The following DGCR2 variants were observed in gnomAD, a reference collection of about 807,000 sequenced individuals.
DGCR2 encodes the protein DiGeorge syndrome critical region gene 2, also known as integral membrane protein DGCR2/IDD.
In DGCR2, 24 loss-of-function variants were observed where a neutral mutation model predicts 51.6. The observed-to-expected ratio is 0.47, with a 90% confidence interval of 0.34 to 0.65. The LOEUF (loss-of-function observed/expected upper bound fraction) is 0.65, where lower values mean the gene tolerates loss of function less well. Ranked by LOEUF, DGCR2 falls within the 30% of genes least tolerant of loss-of-function variation. DGCR2 has a pLI of 0.01. For missense variants in DGCR2, 765 were observed against 772.1 expected, an observed-to-expected ratio of 0.99 and a Z score of 0.11; for synonymous variants, 340 against 315.4, an observed-to-expected ratio of 1.08 and a Z score of -0.82.
intron 9 of DGCR2, among the ~76,000 whole-genome samples, chr22:19,039,363 C>G (rs2082406792): frequency 6.6e-6 from 1 of 152,106 alleles, no homozygotes; most frequent in Non-Finnish European, 1.5e-5. Flanking sequence ...AGGTGCAGGG[C>G]CCATCTCACA....
intron 4 of DGCR2, 116 bp from the exon 5 acceptor site, chr22:19,063,394 G>T: frequency 2.2e-6 from 2 of 928,968 alleles, no homozygotes; most frequent in Non-Finnish European, 3.3e-6. Context: ...AGGATGGAGT[G>T]CAGTGGTGCG....
At chr22:19,069,755 G>C (rs1351401362) in intron 2 of DGCR2, among the ~76,000 whole-genome samples, 1 of 152,080 alleles carries the variant, frequency 6.6e-6, no homozygotes, top group Non-Finnish European at 1.5e-5. Flanking sequence ...TAAACACCTT[G>C]TACACAAGTG....
intron 5 of DGCR2, among the ~76,000 whole-genome samples, chr22:19,059,693 T>G (rs2082639712): frequency 6.6e-6 from 1 of 151,822 alleles, no homozygotes; most frequent in African/African-American, 2.4e-5. Context: ...TGTCCACACA[T>G]GAGGTGTGCG....
intron 1 of DGCR2, among the ~76,000 whole-genome samples, chr22:19,103,958 G>T (rs911070454): frequency 7.2e-5 from 11 of 151,750 alleles, no homozygotes; most frequent in Admixed American, 2.0e-4. Flanking sequence ...GGAGTTCAAG[G>T]TTACAGTGAG....
intron 1 of DGCR2, 37 bp downstream of exon 1, chr22:19,122,091 C>T (rs1260674782): frequency 1.4e-6 from 2 of 1,427,090 alleles, no homozygotes. Context: ...CCCCGCTCGC[C>T]GCCCAGCCCC....
chr22:19,091,768 T>C (rs149669644), intron 1 of DGCR2, among the ~76,000 whole-genome samples: 1 of 150,624 alleles, frequency 6.6e-6, no homozygotes, highest in African/African-American at 2.4e-5. Context: ...CTGGCCAACA[T>C]GGTGAATACT....
intron 5 of DGCR2, chr22:19,061,052 C>T: frequency 5.7e-5 from 14 of 246,302 alleles, no homozygotes; most frequent in South Asian, 5.4e-4. Flanking sequence ...CCATCATTAG[C>T]TGATATTCTC....
At chr22:19,093,605 A>G (rs2083104676) in intron 1 of DGCR2, among the ~76,000 whole-genome samples, 1 of 152,020 alleles carries the variant, frequency 6.6e-6, no homozygotes, top group Non-Finnish European at 1.5e-5. Flanking sequence ...ACACACAGAG[A>G]GAAAACATTT....
At chr22:19,094,877 G>A (rs1004127982) in intron 1 of DGCR2, among the ~76,000 whole-genome samples, 1 of 152,110 alleles carries the variant, frequency 6.6e-6, no homozygotes, top group Non-Finnish European at 1.5e-5. Flanking sequence ...AAGCCAGTAT[G>A]TACTCAAAAG....
intron 2 of DGCR2, among the ~76,000 whole-genome samples, chr22:19,079,964 T>A (rs1045902683): frequency 1.3e-5 from 2 of 152,256 alleles, no homozygotes; most frequent in Admixed American, 1.3e-4. Flanking sequence ...GAGGCTCTAG[T>A]GAGCCTAGTG....
chr22:19,070,386 T>C (rs1299080710), intron 2 of DGCR2, among the ~76,000 whole-genome samples: 1 of 152,182 alleles, frequency 6.6e-6, no homozygotes, highest in Non-Finnish European at 1.5e-5. Context: ...GGCTGGAGAA[T>C]GTCACTGAAC....
At chr22:19,090,860 G>A (rs1288286310) in intron 1 of DGCR2, among the ~76,000 whole-genome samples, 2 of 151,716 alleles carry the variant, frequency 1.3e-5, no homozygotes, top group African/African-American at 4.8e-5. Context: ...AGGGTAATAT[G>A]GTAGATTTTA....
chr22:19,104,531 A>G (rs1258693913), intron 1 of DGCR2, among the ~76,000 whole-genome samples: 1 of 152,250 alleles, frequency 6.6e-6, no homozygotes, highest in Non-Finnish European at 1.5e-5. Flanking sequence ...CCACAGTTAC[A>G]TCACTAAGAA....
intron 2 of DGCR2, among the ~76,000 whole-genome samples, chr22:19,081,980 C>T (rs5993509): frequency 0.49 from 74,840 of 151,686 alleles, 19,596 homozygotes; most frequent in African/African-American, 0.68. Context: ...TTATCCTTTA[C>T]AGGCTGTAAG....
Position 19,057,150 on chromosome 22 carries a change from A to G in DGCR2, c.638T>C (p.Val213Ala). 2 of 1,604,290 alleles carry G rather than the reference A, an allele frequency of 1.2e-6. No individual in the cohort carries two copies. Among genetic ancestry groups the G allele is most frequent in the African/African-American group, 2.7e-5 (2 of 74,912 alleles). Residue 213 changes from valine to alanine, a missense_variant, in exon 6 of 10, where the codon GTG (valine) becomes GCG (alanine). Val to Ala is a moderately conservative substitution (Grantham distance 64, BLOSUM62 0). Around this residue, in one of 3 missense-constraint regions of DGCR2, gnomAD observed 370 missense variants for 325.5 expected, o/e 1.14. Coordinates refer to ENST00000263196, the MANE Select transcript of DGCR2 (RefSeq NM_005137.3). The surrounding 1 kb of genome is among the most constrained non-coding windows in gnomAD (Gnocchi z 5.1). ...WEVAFKGSSE[V>A]FLPPDPIFAS... Reference sequence around the variant, plus strand: ...AAAGATGGGGTCTGGGGGCAGGAACACCTCTGAAGAGCCTGTTGGGGAGAC... The same window carrying G: ...AAAGATGGGGTCTGGGGGCAGGAACGCCTCTGAAGAGCCTGTTGGGGAGAC...
intron 5 of DGCR2, among the ~76,000 whole-genome samples, chr22:19,062,762 C>T (rs1184161542): frequency 2.0e-5 from 3 of 146,588 alleles, no homozygotes; most frequent in Non-Finnish European, 3.1e-5. Context: ...TTTGCGCACA[C>T]ACACACATGC....
intron 2 of DGCR2, among the ~76,000 whole-genome samples, chr22:19,076,778 T>C (rs951593895): frequency 6.4e-4 from 92 of 142,934 alleles, no homozygotes; most frequent in South Asian, 1.6e-3. Flanking sequence ...TCTCCCAGTC[T>C]GGAGTGCAGT....
intron 1 of DGCR2, among the ~76,000 whole-genome samples, chr22:19,110,125 C>T (rs1752711190): frequency 6.6e-6 from 1 of 152,216 alleles, no homozygotes; most frequent in Non-Finnish European, 1.5e-5. Context: ...TCATTTCCTG[C>T]TCTTATTTCA....
intron 1 of DGCR2, among the ~76,000 whole-genome samples, chr22:19,102,306 TTC>T: frequency 6.6e-6 from 1 of 152,302 alleles, no homozygotes; most frequent in East Asian, 1.9e-4. Context: ...TGGGTATAGT[TTC>T]TGTTTGGATT....
Sources: gnomAD v4.1 joint callset for allele counts (sites outside exome capture counted in the v4.1 genomes callset) on GRCh38, gnomAD v4.1.1 for gene constraint, gnomAD v4.1.1 regional missense constraint, Gnocchi (gnomAD v3.1) non-coding constraint, MANE v1.5 for transcripts, NCBI Gene and HGNC (gene_info 2026-07-23, HGNC 2026-07-21) for gene names.